The following BMP1 variants were observed in gnomAD, a reference collection of about 807,000 sequenced individuals.
BMP1 encodes the protein bone morphogenetic protein 1, also known as mammalian tolloid protein.
A neutral mutation model predicts 116.8 loss-of-function variants in BMP1; 63 were observed. The ratio of observed to expected loss-of-function variants is 0.54; its 90% CI spans 0.44 to 0.67. BMP1 has a LOEUF of 0.67. Ranked by LOEUF, BMP1 falls within the 30% of genes least tolerant of loss-of-function variation. BMP1 has a pLI of 0.00. For missense variants in BMP1, 1,183 were observed against 1,358.9 expected (o/e 0.87, Z 2.04); for synonymous variants, 536 against 533.4 (o/e 1.00, Z -0.07).
intron 8 of BMP1, 59 bp downstream of exon 8, chr8:22,180,542 G>C: frequency 6.7e-7 from 1 of 1,496,222 alleles, no homozygotes; most frequent in South Asian, 1.1e-5. Context: ...ATACCTCAGG[G>C]ACTTCTCCCA....
rs144666655 is a variant in BMP1, at chr8:22,207,347, C to T, written c.2406C>T (p.Tyr802=). 1,445 of 1,614,090 alleles carry T rather than the reference C, an allele frequency of 9.0e-4. 1 individual carries two copies. Among genetic ancestry groups the T allele is most frequent in the African/African-American group, 2.1e-3 (154 of 75,064 alleles). The part of the protein sequence containing the change: ...MDIESQPECA[Y]DHLEVFDGRD... The stretch of plus-strand genomic sequence containing the variant: ...TCGAGTCCCAGCCTGAGTGTGCCTA[C>T]GACCACCTAGAGGTGTTCGACGGGC... Residue 802 remains tyrosine (Y), a synonymous_variant, in exon 18 of 20, where the codon TAC becomes TAT. Coordinates refer to ENST00000306385, the MANE Select transcript of BMP1 (RefSeq NM_006129.5).
rs182921246 is a variant in BMP1 at position 22,202,732 on chromosome 8, A to C, written c.2233+804A>C. On this transcript the variant is annotated intron_variant, in intron 16 of 19. Coordinates refer to ENST00000306385, the MANE Select transcript of BMP1 (RefSeq NM_006129.5). ...AACTAGAAATAAAGTAAAATAGGCCAGTGCGGTGGTTCACACCTGTAATCC... is the reference window on the plus strand; with the variant it reads ...AACTAGAAATAAAGTAAAATAGGCCCGTGCGGTGGTTCACACCTGTAATCC... 3.9e-3 allele frequency among the ~76,000 whole-genome samples: 592 copies of C among 152,248 alleles called. 3 individuals are homozygous for C. Among genetic ancestry groups the C allele is most frequent in the African/African-American group, 0.014 (569 of 41,550 alleles).
chr8:22,176,154 A>G lies in BMP1; in HGVS notation c.274A>G (p.Thr92Ala), dbSNP rs770045896. 3.1e-6 allele frequency: 5 copies of G among 1,614,014 alleles called. No homozygotes were observed. The African/African-American group carries it at 4.0e-5, about 13-fold the overall frequency. Residue 92 changes from threonine to alanine, a missense_variant, in exon 3 of 20, where the codon ACT becomes GCT. Coordinates refer to ENST00000306385, the MANE Select transcript of BMP1 (RefSeq NM_006129.5). ...ACTTCCTCTCTCAGTTCCAGGAAAC[A>G]CTTCTACCCCCAGCTGCCAGAGCAC... ...SSIKAAVPGNTSTPSCQSTNG... is the reference protein window; with the variant it reads ...SSIKAAVPGNASTPSCQSTNG...
intron 13 of BMP1, 189 bp from the exon 14 acceptor site, chr8:22,196,491 C>A (rs1829095063): frequency 2.8e-6 from 2 of 720,232 alleles, no homozygotes; most frequent in Admixed American, 2.4e-5. Context: ...TCCCTACAGG[C>A]CCACCCCTGA....
At chr8:22,182,901 C>T (rs1828663715) in intron 8 of BMP1, among the ~76,000 whole-genome samples, 2 of 152,208 alleles carry the variant, frequency 1.3e-5, no homozygotes. Flanking sequence ...GAGACAAAAA[C>T]CAATGTAGAG....
At chr8:22,193,839 T>A (rs1040573218) in intron 9 of BMP1, among the ~76,000 whole-genome samples, 3 of 152,192 alleles carry the variant, frequency 2.0e-5, no homozygotes, top group Non-Finnish European at 4.4e-5. Flanking sequence ...CTCCTAGAAA[T>A]AGACTCATAT....
intron 8 of BMP1, among the ~76,000 whole-genome samples, chr8:22,187,124 G>A (rs929016396): frequency 2.0e-5 from 3 of 151,212 alleles, no homozygotes; most frequent in South Asian, 2.1e-4. Context: ...CCAAGTAACC[G>A]GGACTACTGG....
chr8:22,209,818 G>C (rs924656512), intron 19 of BMP1, 123 bp downstream of exon 19: 5 of 1,112,012 alleles, frequency 4.5e-6, no homozygotes, highest in Non-Finnish European at 5.1e-6. Context: ...AGTGCAGCAC[G>C]CGTGTGGCCC....
intron 19 of BMP1, 132 bp from the exon 20 acceptor site, chr8:22,211,462 G>T: frequency 1.5e-6 from 2 of 1,295,756 alleles, no homozygotes. Flanking sequence ...GAAGCCCTAT[G>T]CTTCAAGGGG....
intron 8 of BMP1, among the ~76,000 whole-genome samples, chr8:22,183,948 T>A (rs1419252358): frequency 6.6e-6 from 1 of 152,198 alleles, no homozygotes; most frequent in Non-Finnish European, 1.5e-5. Flanking sequence ...GCTAACATTA[T>A]CCCTGTTTTG....
At chr8:22,204,262 G>A (rs993007439) in intron 16 of BMP1, among the ~76,000 whole-genome samples, 22 of 152,272 alleles carry the variant, frequency 1.4e-4, no homozygotes, top group African/African-American at 4.1e-4. Context: ...GTGGGTAGAC[G>A]GGAGCTTCAC....
At position 22,209,802 on chromosome 8, in the gene BMP1, A is replaced by AAGTT. The variant is rs1829429466; in HGVS notation, c.2826+108_2826+111dup. 3 of 1,302,864 alleles carry AAGTT rather than the reference A, an allele frequency of 2.3e-6. No individual in the cohort carries two copies. The East Asian group carries it at 7.1e-5, about 31-fold the overall frequency. 80.7% of individuals were successfully genotyped at this position (1,302,864 alleles called of 1,614,324 possible). A position where few individuals can be genotyped will look rare whatever the true frequency, so the allele number is the denominator to read the frequency against. On this transcript the variant is annotated intron_variant, in intron 19 of 19. Transcript: ENST00000306385. ...GACCTAGCGCCCACACAGGCCCCGG[A>AAGTT]AGTTGAGTGCAGCACGCGTGTGGCC...
rs1421250609 is a variant in BMP1 at position 22,211,980 on chromosome 8, T to G, written c.*252T>G. On this transcript the variant is annotated 3_prime_UTR_variant, in exon 20 of 20. Coordinates refer to ENST00000306385, the MANE Select transcript of BMP1 (RefSeq NM_006129.5). ...GCTTCCACAAGACATTTCGAAGTCA[T>G]CATTCCTCTCTTAGGGGGCCCTGCC... 10 of 555,246 alleles carry G rather than the reference T, an allele frequency of 1.8e-5. No individual in the cohort carries two copies. The highest frequency in any genetic ancestry group is 3.2e-5 in the Non-Finnish European group (10 of 313,494). The allele number at this position is 555,246 out of a possible 1,614,324, so 34.4% of individuals were successfully genotyped here.
intron 15 of BMP1, chr8:22,199,390 G>A: frequency 7.8e-7 from 1 of 1,279,852 alleles, no homozygotes; most frequent in Non-Finnish European, 1.0e-6. Context: ...ACTGTAGGGT[G>A]AGTGCCATCT....
chr8:22,167,948 A>G (rs1828163729), intron 1 of BMP1, among the ~76,000 whole-genome samples: 1 of 152,066 alleles, frequency 6.6e-6, no homozygotes, highest in East Asian at 1.9e-4. Context: ...TATCCTCTGC[A>G]GCCCTGACCT....
intron 14 of BMP1, 132 bp downstream of exon 14, chr8:22,196,972 C>G: frequency 7.7e-7 from 1 of 1,298,350 alleles, no homozygotes; most frequent in Non-Finnish European, 1.0e-6. Flanking sequence ...GAGACTGCTC[C>G]CAGCTCACGA....
rs762600228 is a variant in BMP1 at position 22,165,456 on chromosome 8, G to A, written c.51G>A (p.Pro17=). 1.3e-6 allele frequency: 2 copies of A among 1,579,478 alleles called. No individual in the cohort carries two copies. Among genetic ancestry groups the A allele is most frequent in the Non-Finnish European group, 1.7e-6 (2 of 1,166,826 alleles). The change falls in exon 1 of 20, where the codon CCG becomes CCA. Residue 17 remains proline (P), a synonymous_variant. Transcript: ENST00000306385. Reference sequence around the variant, plus strand: ...TGCTGCTCGGGCTGCTGCTGCTCCCGCGTCCCGGCCGGCCGCTGGACTTGG... The same window carrying A: ...TGCTGCTCGGGCTGCTGCTGCTCCCACGTCCCGGCCGGCCGCTGGACTTGG... ...LPLLLGLLLL[P]RPGRPLDLAD...
At chr8:22,208,071 A>G (rs1405656491) in intron 18 of BMP1, among the ~76,000 whole-genome samples, 1 of 151,946 alleles carries the variant, frequency 6.6e-6, no homozygotes, top group Non-Finnish European at 1.5e-5. Flanking sequence ...TTTAGTAGAG[A>G]CAGGGTTTCG....
chr8:22,178,278 T>C (rs1417765848), intron 6 of BMP1, among the ~76,000 whole-genome samples: 1 of 152,198 alleles, frequency 6.6e-6, no homozygotes, highest in East Asian at 1.9e-4. Context: ...CTTTTATTTG[T>C]GGGCCATTTG....
Sources: gnomAD v4.1 joint callset for allele counts (sites outside exome capture counted in the v4.1 genomes callset) on GRCh38, gnomAD v4.1.1 for gene constraint, MANE v1.5 for transcripts, NCBI Gene and HGNC (gene_info 2026-07-23, HGNC 2026-07-21) for gene names.